Variants in SLC39A11 observed in about 807,000 individuals in gnomAD.
SLC39A11 encodes zinc transporter ZIP11.
In SLC39A11, 33 loss-of-function variants were observed where a neutral mutation model predicts 36.1. The observed-to-expected ratio is 0.91, with a 90% CI of 0.69 to 1.22. SLC39A11 has a LOEUF of 1.22. Ranked by LOEUF, SLC39A11 falls within the 50% of genes most tolerant of loss-of-function variation. SLC39A11 has a pLI of 0.00. For synonymous variants in SLC39A11, 166 were observed against 170.3 expected, an observed-to-expected ratio of 0.97 and a Z score of 0.20; for missense variants, 432 against 430.3, an observed-to-expected ratio of 1.00 and a Z score of -0.03.
chr17:72,818,021 C>T (rs1178000980), intron 6 of SLC39A11: 1 of 152,134 alleles, frequency 6.6e-6, no homozygotes, highest in African/African-American at 2.4e-5. Flanking sequence ...TGAGAACTCA[C>T]ACACTATTAT....
intron 6 of SLC39A11, among the ~76,000 whole-genome samples, chr17:72,748,171 C>G (rs555146227): frequency 6.6e-6 from 1 of 152,028 alleles, no homozygotes; most frequent in Non-Finnish European, 1.5e-5. Flanking sequence ...AAAATACAAA[C>G]ATTAGCTGGG....
At chr17:72,918,186 A>G (rs1196303470) in intron 5 of SLC39A11, among the ~76,000 whole-genome samples, 1 of 152,160 alleles carries the variant, frequency 6.6e-6, no homozygotes, top group South Asian at 2.1e-4. Flanking sequence ...AGGCGGGTGG[A>G]TCTCCTGAGG....
Position 72,941,560 on chromosome 17 carries a change from T to TG in SLC39A11, c.430+6191_430+6192insC, listed in dbSNP as rs935369655. ...GGCTTAGAAAATCAGGACTGTGTTTTTTTTTTTTTTTAAAAGGCAGAAGCA... is the reference window on the plus strand; with the variant it reads ...GGCTTAGAAAATCAGGACTGTGTTTTGTTTTTTTTTTTAAAAGGCAGAAGCA... On this transcript the variant is annotated intron_variant, in intron 5 of 9. Coordinates refer to ENST00000255559, the MANE Select transcript of SLC39A11 (RefSeq NM_139177.4). Among the ~76,000 whole-genome samples the TG allele has an allele frequency of 4.6e-5, 7 of 151,538 alleles. No individual in the cohort carries two copies. The East Asian group carries it at 7.8e-4, about 17-fold the overall frequency.
At chr17:72,704,231 T>C (rs993822329) in intron 7 of SLC39A11, among the ~76,000 whole-genome samples, 9 of 152,226 alleles carry the variant, frequency 5.9e-5, no homozygotes, top group African/African-American at 2.2e-4. Context: ...GTAATCTTCT[T>C]ATGGGAGATA....
chr17:72,824,282 T>C (rs1351870463), intron 6 of SLC39A11, among the ~76,000 whole-genome samples: 1 of 151,246 alleles, frequency 6.6e-6, no homozygotes, highest in Non-Finnish European at 1.5e-5. Flanking sequence ...TGCTCCACCA[T>C]GTGAAGACAT....
intron 4 of SLC39A11, among the ~76,000 whole-genome samples, chr17:72,998,446 G>A (rs1164210170): frequency 6.6e-6 from 1 of 152,128 alleles, no homozygotes; most frequent in Non-Finnish European, 1.5e-5. Flanking sequence ...AGTGCTCCCA[G>A]CCTATGCTCA....
At chr17:72,915,507 G>C (rs1292794302) in intron 5 of SLC39A11, among the ~76,000 whole-genome samples, 10 of 152,164 alleles carry the variant, frequency 6.6e-5, no homozygotes. Context: ...ACATGGCAGT[G>C]TGCCCCCTTC....
At chr17:73,031,195 C>T (rs1218262262) in intron 4 of SLC39A11, among the ~76,000 whole-genome samples, 3 of 151,654 alleles carry the variant, frequency 2.0e-5, no homozygotes, top group Admixed American at 6.6e-5. Flanking sequence ...GGGGGTGGGG[C>T]GGGAGTATCA....
intron 5 of SLC39A11, among the ~76,000 whole-genome samples, chr17:72,943,047 A>G (rs1460222000): frequency 6.6e-6 from 1 of 152,182 alleles, no homozygotes; most frequent in Non-Finnish European, 1.5e-5. Context: ...AACAGGGAAA[A>G]TGGGAGAAAG....
Position 73,052,111 on chromosome 17 carries a change from C to A in SLC39A11, c.148-20397G>T, listed in dbSNP as rs1465955305. Among the ~76,000 whole-genome samples, 6 of 151,918 alleles carry A rather than the reference C, an allele frequency of 3.9e-5. No homozygotes were observed. The South Asian group carries it at 8.4e-4, about 21-fold the overall frequency. On this transcript the variant is annotated intron_variant, in intron 3 of 9. Transcript: ENST00000255559. The stretch of plus-strand genomic sequence containing the variant: ...TGTTGGCTATTTCTAATACAAGGTG[C>A]CCCGTTTTTTACCGAGTGTTAAGTG...
In SLC39A11 at chr17:72,928,979, G is replaced by C. The variant is rs530636332; in HGVS notation, c.430+18773C>G. 3.3e-5 allele frequency among the ~76,000 whole-genome samples: 5 copies of C among 152,336 alleles called. No homozygotes were observed. The South Asian group carries it at 1.0e-3, about 32-fold the overall frequency. On this transcript the variant is annotated intron_variant, in intron 5 of 9. Transcript: ENST00000255559. ...CTGTGAACCCGCATTGGTGTGCTTTGCTGGGGAAAGGGTCTCCAGCAACAG... is the reference window on the plus strand; with the variant it reads ...CTGTGAACCCGCATTGGTGTGCTTTCCTGGGGAAAGGGTCTCCAGCAACAG...
chr17:72,844,637 C>G (rs941430561), intron 6 of SLC39A11, among the ~76,000 whole-genome samples: 6 of 152,134 alleles, frequency 3.9e-5, no homozygotes, highest in African/African-American at 1.4e-4. Context: ...CCACTGCACT[C>G]CAGCCTGGGC....
At chr17:72,703,059 C>T (rs1413464584) in intron 7 of SLC39A11, among the ~76,000 whole-genome samples, 4 of 151,908 alleles carry the variant, frequency 2.6e-5, no homozygotes, top group Non-Finnish European at 5.9e-5. Flanking sequence ...GCTCCCTTAC[C>T]GCCCCATCAC....
intron 4 of SLC39A11, among the ~76,000 whole-genome samples, chr17:73,017,537 A>AC (rs1429612397): frequency 6.6e-6 from 1 of 151,566 alleles, no homozygotes; most frequent in East Asian, 1.9e-4. Context: ...TCATGGTGAA[A>AC]CCCCCATCTC....
At chr17:72,991,727 T>C (rs80052830) in intron 4 of SLC39A11, among the ~76,000 whole-genome samples, 10,219 of 152,322 alleles carry the variant, frequency 0.067, 393 homozygotes, top group African/African-American at 0.091. Flanking sequence ...ATTTAATTAT[T>C]CATTCTTCTA....
At chr17:73,089,146 C>A (rs2060841617) in intron 1 of SLC39A11, among the ~76,000 whole-genome samples, 1 of 152,176 alleles carries the variant, frequency 6.6e-6, no homozygotes, top group South Asian at 2.1e-4. Context: ...GCCTCTTCTA[C>A]CGTCTCTTGC....
intron 7 of SLC39A11, among the ~76,000 whole-genome samples, chr17:72,708,082 T>C (rs1213875994): frequency 2.0e-5 from 3 of 152,196 alleles, no homozygotes; most frequent in Non-Finnish European, 1.5e-5. Flanking sequence ...CTCTGGACAT[T>C]GGCCACTTGC....
chr17:72,652,234 C>T (rs932390717), intron 7 of SLC39A11, among the ~76,000 whole-genome samples: 3 of 152,210 alleles, frequency 2.0e-5, no homozygotes, highest in Non-Finnish European at 4.4e-5. Flanking sequence ...CCTGATAGCT[C>T]AGTGGCTGCA....
intron 6 of SLC39A11, among the ~76,000 whole-genome samples, chr17:72,750,277 A>G (rs897678278): frequency 3.3e-5 from 5 of 152,098 alleles, no homozygotes; most frequent in Non-Finnish European, 7.4e-5. Flanking sequence ...GTTGGACCCG[A>G]TTGCCTTGTC....
Sources: gnomAD v4.1 joint callset for allele counts (sites outside exome capture counted in the v4.1 genomes callset) on GRCh38, gnomAD v4.1.1 for gene constraint, MANE v1.5 for transcripts, NCBI Gene and HGNC (gene_info 2026-07-23, HGNC 2026-07-21) for gene names.